Variants in PRUNE2 observed in about 807,000 individuals in gnomAD.
PRUNE2 encodes protein prune homolog 2.
Under a neutral mutation model 252.0 loss-of-function variants are expected in PRUNE2, and 164 were observed. That is an observed-to-expected ratio of 0.65 (90% CI 0.57 to 0.74). The LOEUF is 0.74. PRUNE2 is among the 30% of genes least tolerant of loss of function. The probability of loss-of-function intolerance (pLI) is 0.00; values close to 1 mark genes in which losing one functional copy is unlikely to be tolerated. For missense variants in PRUNE2, 3,495 were observed against 3,711.0 expected, an observed-to-expected ratio of 0.94 and a Z score of 1.51; for synonymous variants, 1,292 against 1,350.2, an observed-to-expected ratio of 0.96 and a Z score of 0.94.
In PRUNE2 at chr9:76,706,576, C is replaced by T. The variant is rs1320728737; in HGVS notation, c.5698G>A (p.Gly1900Arg). The T allele has an allele frequency of 8.7e-6, 14 of 1,613,772 alleles. No homozygotes were observed. The Admixed American group carries it at 2.3e-4, about 27-fold the overall frequency. Reference sequence around the variant, plus strand: ...CAGAGTTGCTCATGGGAGTTCTTCCCATTACCTTCCAGAAAGGGTGACTGA... The same window carrying T: ...CAGAGTTGCTCATGGGAGTTCTTCCTATTACCTTCCAGAAAGGGTGACTGA... The part of the protein sequence containing the change: ...NHQSPFLEGN[G>R]KNSHEQLWNI... Residue 1900 changes from glycine to arginine, a missense_variant, in exon 8 of 19, where the codon GGG (glycine) becomes AGG (arginine). Transcript: ENST00000376718.
At chr9:76,670,672 G>T (rs1383376257) in intron 9 of PRUNE2, among the ~76,000 whole-genome samples, 1 of 152,100 alleles carries the variant, frequency 6.6e-6, no homozygotes, top group Non-Finnish European at 1.5e-5. Context: ...TTTGAAGAGA[G>T]CAGTGGTTCT....
intron 17 of PRUNE2, among the ~76,000 whole-genome samples, chr9:76,623,696 G>C (rs912305321): frequency 1.3e-5 from 2 of 152,190 alleles, no homozygotes; most frequent in Admixed American, 1.3e-4. Flanking sequence ...CAATATTACA[G>C]TTTATTGCCC....
intron 9 of PRUNE2, among the ~76,000 whole-genome samples, chr9:76,700,564 CT>C: frequency 6.6e-6 from 1 of 152,258 alleles, no homozygotes; most frequent in South Asian, 2.1e-4. Context: ...TCATAAGCCC[CT>C]TGAGGAGTGC....
chr9:76,885,313 A>G (rs1171099960), intron 1 of PRUNE2, among the ~76,000 whole-genome samples: 1 of 152,210 alleles, frequency 6.6e-6, no homozygotes, highest in African/African-American at 2.4e-5. Flanking sequence ...TTATAAGATG[A>G]CATAATGCCT....
chr9:76,615,543 G>C (rs1829041625), intron 18 of PRUNE2, among the ~76,000 whole-genome samples: 2 of 152,132 alleles, frequency 1.3e-5, no homozygotes, highest in Non-Finnish European at 2.9e-5. Flanking sequence ...AATATAGTCA[G>C]CAATTCCGTC....
intron 4 of PRUNE2, among the ~76,000 whole-genome samples, chr9:76,843,070 C>T (rs2132389509): frequency 6.6e-6 from 1 of 152,302 alleles, no homozygotes; most frequent in South Asian, 2.1e-4. Flanking sequence ...GGAACCAACC[C>T]AAATGCCCAT....
At chr9:76,898,734 C>T (rs1276545887) in intron 1 of PRUNE2, among the ~76,000 whole-genome samples, 2 of 151,988 alleles carry the variant, frequency 1.3e-5, no homozygotes, top group African/African-American at 4.8e-5. Context: ...AAATGAAGCA[C>T]CAACATAGCT....
chr9:76,742,333 G>T (rs145414713), intron 6 of PRUNE2, among the ~76,000 whole-genome samples: 32 of 152,144 alleles, frequency 2.1e-4, no homozygotes, highest in Non-Finnish European at 4.0e-4. Context: ...AGAAAGTGAG[G>T]CTGGGCATGG....
At chr9:76,690,536 G>A (rs677913) in intron 9 of PRUNE2, among the ~76,000 whole-genome samples, 116,049 of 152,110 alleles carry the variant, frequency 0.76, 44,518 homozygotes, top group East Asian at 0.94. Context: ...TCTCTTATTG[G>A]AGAGATAATC....
chr9:76,655,639 G>C (rs561092827), intron 9 of PRUNE2, 137 bp from the exon 10 acceptor site: 4 of 645,854 alleles, frequency 6.2e-6, no homozygotes, highest in Admixed American at 2.7e-5. Context: ...TGAATCCACT[G>C]TAAGTGGTCC....
At chr9:76,635,027 C>A (rs1839392024) in intron 15 of PRUNE2, among the ~76,000 whole-genome samples, 1 of 152,124 alleles carries the variant, frequency 6.6e-6, no homozygotes, top group Non-Finnish European at 1.5e-5. Context: ...GGCTGGAGTG[C>A]AGTGGTGTGA....
intron 6 of PRUNE2, chr9:76,736,785 G>A (rs907673870): frequency 6.6e-6 from 1 of 152,252 alleles, no homozygotes; most frequent in Non-Finnish European, 1.5e-5. Flanking sequence ...AGACCGGCGA[G>A]TAGGGAGAAA....
At chr9:76,893,864 C>T (rs894256701) in intron 1 of PRUNE2, among the ~76,000 whole-genome samples, 9 of 152,166 alleles carry the variant, frequency 5.9e-5, no homozygotes, top group African/African-American at 9.6e-5. Flanking sequence ...CTTCAGGCCA[C>T]GGTCCAGGGG....
At chr9:76,854,033 G>T (rs977418726) in intron 2 of PRUNE2, 71 bp downstream of exon 2, 7 of 741,580 alleles carry the variant, frequency 9.4e-6, no homozygotes, top group Admixed American at 2.6e-5. Context: ...CCTTTGTTTA[G>T]AGAAAATGTT....
intron 9 of PRUNE2, among the ~76,000 whole-genome samples, chr9:76,681,063 G>A (rs533226981): frequency 5.1e-4 from 77 of 152,212 alleles, no homozygotes; most frequent in Non-Finnish European, 1.1e-3. Flanking sequence ...ATGCATACAC[G>A]AAATATTATT....
At chr9:76,839,845 G>A (rs2059282982) in intron 4 of PRUNE2, among the ~76,000 whole-genome samples, 1 of 152,206 alleles carries the variant, frequency 6.6e-6, no homozygotes, top group African/African-American at 2.4e-5. Context: ...CAGCAGGACT[G>A]CTGATGGATT....
chr9:76,695,770 G>C (rs1426372138), intron 9 of PRUNE2, among the ~76,000 whole-genome samples: 1 of 152,082 alleles, frequency 6.6e-6, no homozygotes, highest in Non-Finnish European at 1.5e-5. Flanking sequence ...TGTGGCAGGT[G>C]CTATTCTAAG....
intron 6 of PRUNE2, among the ~76,000 whole-genome samples, chr9:76,811,379 T>C (rs2057346210): frequency 6.6e-6 from 1 of 152,198 alleles, no homozygotes; most frequent in African/African-American, 2.4e-5. Flanking sequence ...TGAGAATGAA[T>C]TAAATCAATA....
intron 1 of PRUNE2, among the ~76,000 whole-genome samples, chr9:76,898,932 A>G (rs2063006722): frequency 6.6e-6 from 1 of 152,214 alleles, no homozygotes; most frequent in South Asian, 2.1e-4. Context: ...CACCACAAAC[A>G]GTCCCACTAG....
Sources: allele counts gnomAD v4.1 joint callset (sites outside exome capture counted in the v4.1 genomes callset), GRCh38; gene constraint gnomAD v4.1.1; transcripts MANE v1.5; gene names NCBI Gene and HGNC (gene_info 2026-07-23, HGNC 2026-07-21).